The following DPYD variants were observed in gnomAD, a reference collection of about 807,000 sequenced individuals.
DPYD encodes the protein dihydropyrimidine dehydrogenase [NADP(+)].
In DPYD, 109 loss-of-function variants were observed where a neutral mutation model predicts 116.2. The observed-to-expected ratio is 0.94, with a 90% CI of 0.80 to 1.10. The LOEUF is 1.10. DPYD is among the 50% of genes least tolerant of loss of function. The pLI is 0.00. For missense variants in DPYD, 1,302 were observed against 1,254.5 expected (o/e 1.04, Z -0.57); for synonymous variants, 440 against 432.0 (o/e 1.02, Z -0.23).
chr1:97,589,174 GA>G (rs1654343477), intron 10 of DPYD, among the ~76,000 whole-genome samples: 2 of 152,180 alleles, frequency 1.3e-5, no homozygotes, highest in South Asian at 4.1e-4. Flanking sequence ...TCTATTGGAT[GA>G]TGTCTCCTAC....
At chr1:97,639,934 T>C (rs1657791589) in intron 8 of DPYD, among the ~76,000 whole-genome samples, 1 of 152,142 alleles carries the variant, frequency 6.6e-6, no homozygotes, top group African/African-American at 2.4e-5. Context: ...TTAACAATCT[T>C]GTGAAAGCTG....
At chr1:97,322,239 A>G (rs1294565338) in intron 16 of DPYD, among the ~76,000 whole-genome samples, 1 of 150,298 alleles carries the variant, frequency 6.7e-6, no homozygotes, top group East Asian at 2.0e-4. Context: ...TATAATAAAA[A>G]AAAATAATAA....
chr1:97,555,445 A>T (rs573449332), intron 11 of DPYD, among the ~76,000 whole-genome samples: 2 of 152,146 alleles, frequency 1.3e-5, no homozygotes, highest in South Asian at 4.2e-4. Flanking sequence ...CTTCCAAATC[A>T]TCACATCCAA....
chr1:97,170,971 C>G (rs879427564), intron 20 of DPYD, among the ~76,000 whole-genome samples: 1 of 152,100 alleles, frequency 6.6e-6, no homozygotes, highest in Non-Finnish European at 1.5e-5. Flanking sequence ...CCGTGCATGG[C>G]CTATCTTAAA....
intron 11 of DPYD, among the ~76,000 whole-genome samples, chr1:97,555,351 C>G (rs1315721068): frequency 6.6e-6 from 1 of 152,042 alleles, no homozygotes; most frequent in Admixed American, 6.6e-5. Flanking sequence ...TAAAGATGGC[C>G]TCGAACTCTC....
chr1:97,920,041 A>G (rs531289209), intron 1 of DPYD, among the ~76,000 whole-genome samples: 1 of 152,348 alleles, frequency 6.6e-6, no homozygotes, highest in South Asian at 2.1e-4. Context: ...GAAGACTCAA[A>G]TAAAGAAAAG....
chr1:97,875,512 G>T (rs903097556), intron 2 of DPYD, among the ~76,000 whole-genome samples: 2 of 151,944 alleles, frequency 1.3e-5, no homozygotes, highest in African/African-American at 4.8e-5. Context: ...TGCATAAGCA[G>T]CCAGTTATTA....
At chr1:97,562,315 C>T (rs1652207791) in intron 11 of DPYD, among the ~76,000 whole-genome samples, 1 of 152,096 alleles carries the variant, frequency 6.6e-6, no homozygotes, top group East Asian at 1.9e-4. Context: ...CAGGGAGAAA[C>T]ACTGGGTCAT....
At chr1:97,677,157 A>C (rs2100911867) in intron 8 of DPYD, among the ~76,000 whole-genome samples, 1 of 152,330 alleles carries the variant, frequency 6.6e-6, no homozygotes, top group Middle Eastern at 3.4e-3. Context: ...CAGAGTGATA[A>C]ACAATTTAAT....
intron 2 of DPYD, among the ~76,000 whole-genome samples, chr1:97,836,982 G>A (rs565648298): frequency 1.4e-4 from 22 of 152,058 alleles, no homozygotes; most frequent in Admixed American, 5.2e-4. Flanking sequence ...TTTAATACAT[G>A]AGGAAAGATT....
intron 8 of DPYD, 124 bp from the exon 9 acceptor site, chr1:97,595,290 G>C: frequency 1.4e-6 from 1 of 705,984 alleles, no homozygotes; most frequent in Non-Finnish European, 2.4e-6. Flanking sequence ...ACATCTGTAA[G>C]CAAATCAATA....
chr1:97,542,386 G>A (rs1570931082), intron 12 of DPYD, among the ~76,000 whole-genome samples: 1 of 152,150 alleles, frequency 6.6e-6, no homozygotes, highest in Admixed American at 6.5e-5. Context: ...GATTAGTGGA[G>A]CTTGGTCTGG....
At chr1:97,724,987 A>AGAGAGAGAGAGAGAGAG (rs1275777925) in intron 4 of DPYD, among the ~76,000 whole-genome samples, 5 of 52,874 alleles carry the variant, frequency 9.5e-5, no homozygotes, top group African/African-American at 2.0e-4. Context: ...GAGAGAGAGA[A>AGAGAGAGAGAGAGAGAG]AGTTATCCAG....
chr1:97,194,601 TTCAAGCAATTCTC>T (rs1658617470), intron 19 of DPYD, among the ~76,000 whole-genome samples: 1 of 151,576 alleles, frequency 6.6e-6, no homozygotes, highest in Non-Finnish European at 1.5e-5. Flanking sequence ...ACCTCCCGGG[TTCAAGCAATTCTC>T]CTGCCTCTGC....
rs573061744 is a variant in DPYD, at chr1:97,179,513, C to T, written c.2622+13556G>A. On this transcript the variant is annotated intron_variant, in intron 20 of 22. Transcript: ENST00000370192. ...AAAATTGATAAGTAGGGAAGACAAA[C>T]GAAATGCTTTAAAGATGTATGGCAA... is the stretch of plus-strand genomic sequence containing the variant. Among the ~76,000 whole-genome samples, 82 of 152,122 alleles carry T rather than the reference C, an allele frequency of 5.4e-4. 1 individual carries two copies. The highest frequency in any genetic ancestry group is 1.7e-3 in the African/African-American group (71 of 41,524).
At chr1:97,497,386 C>T (rs903245692) in intron 13 of DPYD, among the ~76,000 whole-genome samples, 2 of 151,772 alleles carry the variant, frequency 1.3e-5, no homozygotes, top group Non-Finnish European at 2.9e-5. Context: ...AACTCCAAAA[C>T]TCTATTTTTA....
intron 18 of DPYD, among the ~76,000 whole-genome samples, chr1:97,250,579 T>C (rs1663020983): frequency 6.6e-6 from 1 of 152,208 alleles, no homozygotes; most frequent in Non-Finnish European, 1.5e-5. Flanking sequence ...TACTGATGTA[T>C]GTGACAATAT....
At position 97,755,107 on chromosome 1, in the gene DPYD, C is replaced by A. The variant is rs116325564; in HGVS notation, c.234-14628G>T. ...TTCTATGGATGGCCTTGCACCAACC[C>A]GGTTCTCCCCTCTTTCCTGCTTGTA... On this transcript the variant is annotated intron_variant, in intron 3 of 22. Transcript: ENST00000370192. 8.0e-3 allele frequency among the ~76,000 whole-genome samples: 1,221 copies of A among 152,210 alleles called. 17 individuals are homozygous for A. Among genetic ancestry groups the A allele is most frequent in the African/African-American group, 0.028 (1,150 of 41,528 alleles).
At chr1:97,350,982 G>A (rs1670110113) in intron 16 of DPYD, among the ~76,000 whole-genome samples, 1 of 152,260 alleles carries the variant, frequency 6.6e-6, no homozygotes, top group South Asian at 2.1e-4. Flanking sequence ...TTGGCTACAG[G>A]AAGTCGTGGC....
Sources: gnomAD v4.1 joint callset for allele counts (sites outside exome capture counted in the v4.1 genomes callset) on GRCh38, gnomAD v4.1.1 for gene constraint, MANE v1.5 for transcripts, NCBI Gene and HGNC (gene_info 2026-07-23, HGNC 2026-07-21) for gene names.